The following FYB1 variants were observed in gnomAD, a reference collection of about 807,000 sequenced individuals.
FYB1 encodes the protein FYN binding protein 1, also known as FYN-binding protein 1.
Under a neutral mutation model 94.1 loss-of-function variants are expected in FYB1, and 41 were observed. The observed-to-expected ratio is 0.44, with a 90% CI of 0.34 to 0.57. The LOEUF is 0.57. Ranked by LOEUF, FYB1 falls within the 20% of genes least tolerant of loss-of-function variation. The pLI, the probability that FYB1 is intolerant of heterozygous loss-of-function variation, is 0.02. For missense variants in FYB1, 1,050 were observed against 976.8 expected, an observed-to-expected ratio of 1.07 and a Z score of -1.00; for synonymous variants, 367 against 353.2, an observed-to-expected ratio of 1.04 and a Z score of -0.44.
At chr5:39,175,023 T>C (rs995379609) in intron 2 of FYB1, among the ~76,000 whole-genome samples, 3 of 152,200 alleles carry the variant, frequency 2.0e-5, no homozygotes, top group Non-Finnish European at 4.4e-5. Flanking sequence ...GTTTGCTTGC[T>C]CTTACCTGTG....
chr5:39,253,761 G>T (rs184504426), intron 1 of FYB1, among the ~76,000 whole-genome samples: 4 of 152,094 alleles, frequency 2.6e-5, no homozygotes, highest in Non-Finnish European at 5.9e-5. Flanking sequence ...GTGTTGTAAG[G>T]GTTTGTTGAA....
At chr5:39,148,190 TA>T (rs1742909064) in intron 3 of FYB1, among the ~76,000 whole-genome samples, 1 of 92,894 alleles carries the variant, frequency 1.1e-5, no homozygotes, top group African/African-American at 4.9e-5. Context: ...TATATATATA[TA>T]TATATATATA....
intron 2 of FYB1, chr5:39,169,069 G>C: frequency 1.8e-6 from 1 of 557,486 alleles, no homozygotes; most frequent in Non-Finnish European, 3.2e-6. Context: ...CAGAATACTT[G>C]CATAATAACT....
At chr5:39,134,121 T>C (rs918199770) in intron 9 of FYB1, 87 bp downstream of exon 9, 9 of 990,892 alleles carry the variant, frequency 9.1e-6, no homozygotes, top group Non-Finnish European at 1.3e-5. Context: ...GTAGGAGTTA[T>C]GGAGGGTAAA....
rs187258674 is a variant in FYB1 at position 39,108,274 on chromosome 5, A to G, written c.2436-12T>C. ...AGATCTCTCCATCACTGTAAATGTA[A>G]AAAAAAATTTTTATTTTAAAGAAAC... On this transcript the variant is annotated splice_polypyrimidine_tract_variant and intron_variant, in intron 17 of 18. Transcript: ENST00000512982. The G allele has an allele frequency of 2.7e-3, 4,073 of 1,521,110 alleles. 13 individuals carry two copies. Among genetic ancestry groups the G allele is most frequent in the Non-Finnish European group, 3.2e-3 (3,651 of 1,125,544 alleles). The allele number at this position is 1,521,110 out of a possible 1,614,324, so 94.2% of individuals were successfully genotyped here.
intron 1 of FYB1, among the ~76,000 whole-genome samples, chr5:39,205,914 A>G (rs1459504988): frequency 6.6e-6 from 1 of 152,216 alleles, no homozygotes. Context: ...TTAAATGGGC[A>G]AAGGCATGTA....
chr5:39,118,735 G>T, intron 16 of FYB1, 139 bp downstream of exon 16: 1 of 480,994 alleles, frequency 2.1e-6, no homozygotes, highest in Non-Finnish European at 3.6e-6. Flanking sequence ...ACTTCTGAAC[G>T]TTTGCCACAA....
intron 3 of FYB1, among the ~76,000 whole-genome samples, chr5:39,145,007 T>A (rs1334133323): frequency 6.6e-6 from 1 of 152,196 alleles, no homozygotes; most frequent in Non-Finnish European, 1.5e-5. Context: ...GATGAAATTA[T>A]ATGATGTTTT....
intron 1 of FYB1, among the ~76,000 whole-genome samples, chr5:39,216,322 TA>T (rs1265886464): frequency 6.6e-6 from 1 of 152,224 alleles, no homozygotes; most frequent in African/African-American, 2.4e-5. Flanking sequence ...TAGAAATCTC[TA>T]ATATAAAAAT....
intron 2 of FYB1, among the ~76,000 whole-genome samples, chr5:39,177,410 C>G (rs1745830672): frequency 6.6e-6 from 1 of 152,148 alleles, no homozygotes. Flanking sequence ...CTAATTCAAC[C>G]TTCACATTTT....
chr5:39,144,602 G>A (rs1742479324), intron 3 of FYB1, among the ~76,000 whole-genome samples: 1 of 152,152 alleles, frequency 6.6e-6, no homozygotes, highest in African/African-American at 2.4e-5. Flanking sequence ...AGGAGTTCGA[G>A]ACCAGCCTGG....
In FYB1 at chr5:39,239,593, C is replaced by T. The variant is rs143568217; in HGVS notation, c.-28+34810G>A. On this transcript the variant is annotated intron_variant, in intron 1 of 1. Transcript: ENST00000510188. ...AAAAAGAATAAAATACCTAGGAATA[C>T]AGCTAACCATAGAGGGGAAAGATCT... Among the ~76,000 whole-genome samples the T allele has an allele frequency of 3.5e-3, 529 of 152,224 alleles. 3 individuals carry two copies. The highest frequency in any genetic ancestry group is 0.023 in the South Asian group (111 of 4,820).
chr5:39,120,961 A>G (rs1210102709), intron 14 of FYB1, among the ~76,000 whole-genome samples: 5 of 152,104 alleles, frequency 3.3e-5, no homozygotes, highest in Non-Finnish European at 7.4e-5. Context: ...CCTACAAGCT[A>G]TCTTTAAAAA....
Position 39,209,698 on chromosome 5 carries a change from G to A in FYB1, c.-27-6711C>T, listed in dbSNP as rs111491679. 1.1e-4 allele frequency among the ~76,000 whole-genome samples: 17 copies of A among 152,180 alleles called. 2 individuals are homozygous for A. Among genetic ancestry groups the A allele is most frequent in the African/African-American group, 3.9e-4 (16 of 41,520 alleles). ...TTTCCCTAAGGAGATGTAAAAGCAG[G>A]AACCTGGTTTTATTTTTCCTCCTCA... On this transcript the variant is annotated intron_variant, in intron 1 of 18. Coordinates refer to ENST00000512982, the MANE Select transcript of FYB1 (RefSeq NM_001465.6).
chr5:39,122,224 C>A, intron 14 of FYB1, 112 bp downstream of exon 14: 1 of 686,092 alleles, frequency 1.5e-6, no homozygotes, highest in Non-Finnish European at 2.6e-6. Flanking sequence ...GAGTCCAGAG[C>A]CAACAGGATC....
chr5:39,138,571 G>T, intron 6 of FYB1, 86 bp downstream of exon 6: 1 of 714,302 alleles, frequency 1.4e-6, no homozygotes, highest in Non-Finnish European at 2.3e-6. Flanking sequence ...TTCCCTCCTA[G>T]TGTTGTTATA....
rs182418322 is a variant in FYB1, at chr5:39,157,128, G to A, written c.1136-3524C>T. On this transcript the variant is annotated intron_variant, in intron 2 of 18. Coordinates refer to ENST00000512982, the MANE Select transcript of FYB1 (RefSeq NM_001465.6). ...AAAACTACCCAAGTTCAGAGAATTA[G>A]TAAGCCGTAGCGGTGGGTTTCAAAC... Among the ~76,000 whole-genome samples, 4 of 152,210 alleles carry A rather than the reference G, an allele frequency of 2.6e-5. No individual in the cohort carries two copies. In the East Asian group the frequency reaches 5.8e-4, roughly 22 times the overall value.
intron 2 of FYB1, among the ~76,000 whole-genome samples, chr5:39,178,847 G>A (rs568017771): frequency 3.9e-5 from 6 of 152,240 alleles, no homozygotes; most frequent in South Asian, 2.1e-4. Context: ...GATAGGTACC[G>A]GATAATTTTC....
chr5:39,161,508 G>T (rs927881519), intron 2 of FYB1, among the ~76,000 whole-genome samples: 3 of 151,392 alleles, frequency 2.0e-5, no homozygotes, highest in Non-Finnish European at 4.4e-5. Context: ...TGGAACCATG[G>T]TATATACATT....
Sources: gnomAD v4.1 joint callset for allele counts (sites outside exome capture counted in the v4.1 genomes callset) on GRCh38, gnomAD v4.1.1 for gene constraint, MANE v1.5 for transcripts, NCBI Gene and HGNC (gene_info 2026-07-23, HGNC 2026-07-21) for gene names.